TASP1: variants seen among roughly 807,000 people sequenced by gnomAD.
TASP1 encodes taspase 1.
In TASP1, 16 loss-of-function variants were observed where a neutral mutation model predicts 56.6. The ratio of observed to expected loss-of-function variants is 0.28; its 90% CI spans 0.19 to 0.43. The LOEUF is 0.43. TASP1 is among the 20% of genes least tolerant of loss of function. The probability of loss-of-function intolerance (pLI) is 1.00; values close to 1 mark genes in which losing one functional copy is unlikely to be tolerated. For synonymous variants in TASP1, 179 were observed against 184.2 expected (o/e 0.97, Z 0.23); for missense variants, 393 against 511.6 (o/e 0.77, Z 2.24).
intron 4 of TASP1, among the ~76,000 whole-genome samples, chr20:13,603,461 G>A (rs1043836859): frequency 1.3e-5 from 2 of 152,046 alleles, no homozygotes; most frequent in African/African-American, 4.8e-5. Context: ...AGGATCGATT[G>A]AGCCTAGGAG....
chr20:13,507,774 C>T lies in TASP1; in HGVS notation c.874+20659G>A, dbSNP rs970466970. On this transcript the variant is annotated intron_variant, in intron 10 of 13. Coordinates refer to ENST00000337743, the MANE Select transcript of TASP1 (RefSeq NM_017714.3). ...CACAAAACACCCTAATTAGCTAATGCAATCTTGTGCAAGAAAAACAAGGGT... is the reference window on the plus strand; with the variant it reads ...CACAAAACACCCTAATTAGCTAATGTAATCTTGTGCAAGAAAAACAAGGGT... Among the ~76,000 whole-genome samples, 5 of 152,220 alleles carry T rather than the reference C, an allele frequency of 3.3e-5. No homozygotes were observed. In the South Asian group the frequency reaches 1.0e-3, roughly 32 times the overall value.
chr20:13,613,439 G>A (rs1279189089), intron 4 of TASP1, among the ~76,000 whole-genome samples: 1 of 152,024 alleles, frequency 6.6e-6, no homozygotes, highest in African/African-American at 2.4e-5. Flanking sequence ...TATAGCAGAG[G>A]GTGATCTGCC....
At chr20:13,142,126 T>C in the TASP1 span, among the ~76,000 whole-genome samples, 1 of 152,224 alleles carries the variant, frequency 6.6e-6, no homozygotes, top group Admixed American at 6.5e-5. Context: ...GGGTAGACTT[T>C]TATGAAAGCT....
intron 11 of TASP1, among the ~76,000 whole-genome samples, chr20:13,452,463 C>A (rs1368523438): frequency 6.7e-6 from 1 of 148,380 alleles, no homozygotes; most frequent in Non-Finnish European, 1.5e-5. Context: ...TGGCCAGACA[C>A]AATTTACTTA....
chr20:13,265,737 T>G, the TASP1 span, among the ~76,000 whole-genome samples: 3 of 152,226 alleles, frequency 2.0e-5, no homozygotes, highest in Non-Finnish European at 2.9e-5. Context: ...AAAACCTTTA[T>G]AATTTTCTGG....
At chr20:13,509,123 A>C (rs898858254) in intron 10 of TASP1, among the ~76,000 whole-genome samples, 3 of 83,504 alleles carry the variant, frequency 3.6e-5, no homozygotes, top group Non-Finnish European at 7.8e-5. Flanking sequence ...TGAATGAAGA[A>C]AGTGTGTGTG....
At chr20:13,585,695 A>G (rs113472085) in intron 5 of TASP1, among the ~76,000 whole-genome samples, 12 of 152,330 alleles carry the variant, frequency 7.9e-5, no homozygotes, top group African/African-American at 2.9e-4. Flanking sequence ...TGAATTTTAA[A>G]AACAATTAAC....
chr20:13,478,374 C>CACACACAT lies in TASP1; in HGVS notation c.985+4852_985+4853insATGTGTGT, dbSNP rs56698233. Among the ~76,000 whole-genome samples the CACACACAT allele has an allele frequency of 1.3e-3, 200 of 151,526 alleles. 2 individuals are homozygous for CACACACAT. The highest frequency in any genetic ancestry group is 4.5e-3 in the African/African-American group (185 of 41,300). On this transcript the variant is annotated intron_variant, in intron 11 of 13. Transcript: ENST00000337743. ...ACACACACACACACACACACACACA[C>CACACACAT]GAATACTATTCAGCCACAAAAAAGA...
chr20:13,549,157 T>C (rs557348598), intron 8 of TASP1, among the ~76,000 whole-genome samples: 74 of 152,194 alleles, frequency 4.9e-4, no homozygotes, highest in Non-Finnish European at 9.3e-4. Context: ...GACTGGCTTA[T>C]AATAGATCTA....
chr20:13,161,441 A>T, the TASP1 span, among the ~76,000 whole-genome samples: 1 of 152,204 alleles, frequency 6.6e-6, no homozygotes, highest in Non-Finnish European at 1.5e-5. Context: ...AGCCAACAGT[A>T]GAAGATGTAA....
chr20:13,310,708 A>G, the TASP1 span, among the ~76,000 whole-genome samples: 523 of 152,352 alleles, frequency 3.4e-3, 1 homozygote, highest in African/African-American at 0.012. Flanking sequence ...TAAAAAACTC[A>G]AACAACTTAA....
the TASP1 span, among the ~76,000 whole-genome samples, chr20:13,126,347 T>A: frequency 6.6e-6 from 1 of 152,242 alleles, no homozygotes; most frequent in Admixed American, 6.5e-5. Flanking sequence ...TGCCTTAAAG[T>A]TCAACTCCAA....
At chr20:13,534,871 G>C (rs1306081863) in intron 8 of TASP1, among the ~76,000 whole-genome samples, 2 of 152,120 alleles carry the variant, frequency 1.3e-5, no homozygotes, top group Non-Finnish European at 1.5e-5. Flanking sequence ...CTGTGCAAGA[G>C]AGACAAACAC....
At chr20:13,483,948 A>C (rs1041710519) in intron 10 of TASP1, among the ~76,000 whole-genome samples, 21 of 152,176 alleles carry the variant, frequency 1.4e-4, no homozygotes, top group African/African-American at 4.1e-4. Flanking sequence ...CAATGAACTC[A>C]AACAAATTTA....
intron 8 of TASP1, among the ~76,000 whole-genome samples, chr20:13,548,233 T>C (rs1373843494): frequency 6.6e-6 from 1 of 152,100 alleles, no homozygotes; most frequent in Non-Finnish European, 1.5e-5. Context: ...AATCAAACTG[T>C]ACTTTTAGAA....
the TASP1 span, among the ~76,000 whole-genome samples, chr20:13,264,445 ATTT>A: frequency 4.6e-5 from 7 of 152,072 alleles, no homozygotes; most frequent in Non-Finnish European, 8.8e-5. Context: ...TGCTTAGCAC[ATTT>A]TTTCCAAAAG....
At chr20:13,215,815 A>C in the TASP1 span, among the ~76,000 whole-genome samples, 3 of 152,316 alleles carry the variant, frequency 2.0e-5, no homozygotes, top group East Asian at 5.8e-4. Flanking sequence ...GTGTTGGAGC[A>C]TAGGGAAGTG....
chr20:13,263,913 G>T, the TASP1 span, among the ~76,000 whole-genome samples: 1 of 152,154 alleles, frequency 6.6e-6, no homozygotes, highest in Non-Finnish European at 1.5e-5. Context: ...GAGACCAAAT[G>T]CATTGCTAAT....
the TASP1 span, among the ~76,000 whole-genome samples, chr20:13,379,478 C>T: frequency 5.3e-5 from 8 of 152,172 alleles, no homozygotes; most frequent in African/African-American, 1.9e-4. Context: ...TTGTGGGTAA[C>T]CCGACATTTC....
Sources: gnomAD v4.1 joint callset for allele counts (sites outside exome capture counted in the v4.1 genomes callset) on GRCh38, gnomAD v4.1.1 for gene constraint, MANE v1.5 for transcripts, NCBI Gene and HGNC (gene_info 2026-07-23, HGNC 2026-07-21) for gene names.